The following METTL25 variants were observed in gnomAD, a reference collection of about 807,000 sequenced individuals.
METTL25 encodes methyltransferase like 25, also known as probable methyltransferase-like protein 25.
METTL25 carries 64 observed loss-of-function variants against 71.6 expected under a neutral mutation model. That is an observed-to-expected ratio of 0.89 (90% CI 0.73 to 1.10). The LOEUF is 1.10. Among genes scored for constraint, METTL25 ranks in the 50% least tolerant of loss-of-function variants. The probability of loss-of-function intolerance (pLI) is 0.00; values close to 1 mark genes in which losing one functional copy is unlikely to be tolerated. For synonymous variants in METTL25, 287 were observed against 250.3 expected (o/e 1.15, Z -1.38); for missense variants, 807 against 707.0 (o/e 1.14, Z -1.60).
chr12:82,370,089 G>A (rs925272468), intron 1 of METTL25, among the ~76,000 whole-genome samples: 8 of 152,106 alleles, frequency 5.3e-5, no homozygotes, highest in Non-Finnish European at 1.2e-4. Context: ...GTTGGGAATC[G>A]GCCAGTGACT....
At chr12:82,467,549 A>G (rs1269476320) in intron 9 of METTL25, among the ~76,000 whole-genome samples, 1 of 152,066 alleles carries the variant, frequency 6.6e-6, no homozygotes, top group Non-Finnish European at 1.5e-5. Flanking sequence ...TTTTCTGGGT[A>G]TCATTATCTT....
chr12:82,466,886 A>G lies in METTL25; in HGVS notation c.1573-9758A>G, dbSNP rs146418135. On this transcript the variant is annotated intron_variant, in intron 9 of 11. Transcript: ENST00000248306. Reference sequence around the variant, plus strand: ...ATTGGCTTGAATTCTATTTTGCCCAATCTACTCCTGCTCAATTTTTCCGTT... The same window carrying G: ...ATTGGCTTGAATTCTATTTTGCCCAGTCTACTCCTGCTCAATTTTTCCGTT... Among the ~76,000 whole-genome samples the G allele has an allele frequency of 2.6e-3, 389 of 152,076 alleles. 3 individuals carry two copies. Among genetic ancestry groups the G allele is most frequent in the African/African-American group, 8.9e-3 (368 of 41,506 alleles).
chr12:82,406,896 A>G lies in METTL25; in HGVS notation c.1279+3766A>G, dbSNP rs111356020. ...TAAGAAGTGTATTGCAGGCAGAATAAACAAAGGCATGCAGTGATAGATGTT... is the reference window on the plus strand; with the variant it reads ...TAAGAAGTGTATTGCAGGCAGAATAGACAAAGGCATGCAGTGATAGATGTT... On this transcript the variant is annotated intron_variant, in intron 5 of 11. Transcript: ENST00000248306. 4.1e-3 allele frequency among the ~76,000 whole-genome samples: 623 copies of G among 152,272 alleles called. 3 individuals carry two copies. Among genetic ancestry groups the G allele is most frequent in the South Asian group, 0.011 (55 of 4,822 alleles).
Position 82,399,291 on chromosome 12 carries a change from G to C in METTL25, c.1028G>C (p.Arg343Thr). The C allele has an allele frequency of 6.2e-7, 1 of 1,613,454 alleles. No individual in the cohort carries two copies. The highest frequency in any genetic ancestry group is 8.5e-7 in the Non-Finnish European group (1 of 1,179,710). ...NRETSEANKE[R>T]RKMTSKSSES... ...GAAACATCTGAAGCCAATAAAGAGA[G>C]AAGAAAAATGACATCAAAGTCAAGT... The change falls in exon 4 of 12, where the codon AGA becomes ACA. Residue 343 changes from arginine to threonine, a missense_variant. Transcript: ENST00000248306.
chr12:82,477,594 A>G (rs1450673205), intron 11 of METTL25, among the ~76,000 whole-genome samples: 1 of 151,794 alleles, frequency 6.6e-6, no homozygotes, highest in African/African-American at 2.4e-5. Flanking sequence ...GGTAATTACT[A>G]TACATAGGCA....
intron 5 of METTL25, among the ~76,000 whole-genome samples, chr12:82,415,206 T>C (rs1407939548): frequency 6.6e-6 from 1 of 152,112 alleles, no homozygotes; most frequent in Non-Finnish European, 1.5e-5. Flanking sequence ...TGTTTTAATG[T>C]AGATATGACT....
At chr12:82,359,279 G>A (rs1881456563) in intron 1 of METTL25, among the ~76,000 whole-genome samples, 1 of 121,270 alleles carries the variant, frequency 8.2e-6, no homozygotes, top group Non-Finnish European at 1.7e-5. Context: ...AATTTAGGAG[G>A]TCAGGAACAT....
chr12:82,423,963 TGGA>T (rs898809951), intron 5 of METTL25, among the ~76,000 whole-genome samples: 4 of 152,202 alleles, frequency 2.6e-5, no homozygotes, highest in Non-Finnish European at 5.9e-5. Context: ...TCAACCATTG[TGGA>T]AGACAGTGTG....
intron 4 of METTL25, 133 bp downstream of exon 4, chr12:82,399,527 G>A: frequency 2.7e-6 from 2 of 732,850 alleles, no homozygotes; most frequent in Non-Finnish European, 4.3e-6. Context: ...ATCATAAGTA[G>A]GCTTTCATTA....
intron 1 of METTL25, among the ~76,000 whole-genome samples, chr12:82,359,289 TGAG>T (rs1881462754): frequency 1.7e-4 from 1 of 6,028 alleles, no homozygotes; most frequent in Non-Finnish European, 3.5e-4. Context: ...GTCAGGAACA[TGAG>T]AAGGCACTAG....
intron 1 of METTL25, among the ~76,000 whole-genome samples, chr12:82,386,308 G>A (rs1331058529): frequency 6.6e-6 from 1 of 152,152 alleles, no homozygotes; most frequent in African/African-American, 2.4e-5. Context: ...CTGTGGACAA[G>A]GAGTAACAGT....
intron 8 of METTL25, among the ~76,000 whole-genome samples, chr12:82,440,960 T>A (rs1270615885): frequency 2.6e-5 from 4 of 151,984 alleles, no homozygotes; most frequent in Non-Finnish European, 5.9e-5. Context: ...AGTTCTGGAA[T>A]AGGCAACTGT....
At chr12:82,473,048 G>A (rs1010930460) in intron 9 of METTL25, among the ~76,000 whole-genome samples, 2 of 152,016 alleles carry the variant, frequency 1.3e-5, no homozygotes, top group African/African-American at 2.4e-5. Flanking sequence ...GGTGGATGCA[G>A]TAGTGTAGTG....
chr12:82,472,759 A>G (rs1324259290), intron 9 of METTL25, among the ~76,000 whole-genome samples: 1 of 151,892 alleles, frequency 6.6e-6, no homozygotes, highest in African/African-American at 2.4e-5. Context: ...ATCTATTTGT[A>G]CTGAGTTTTC....
chr12:82,437,035 A>G lies in METTL25; in HGVS notation c.1405-1683A>G, dbSNP rs12424329. On this transcript the variant is annotated intron_variant, in intron 7 of 11. Transcript: ENST00000248306. ...GGATTTTTAAGAAAGTGGGGGACAGATGATAAAGTAGAGATTTTGGTGCTG... is the reference window on the plus strand; with the variant it reads ...GGATTTTTAAGAAAGTGGGGGACAGGTGATAAAGTAGAGATTTTGGTGCTG... Among the ~76,000 whole-genome samples, 1,125 of 151,788 alleles carry G rather than the reference A, an allele frequency of 7.4e-3. 7 individuals are homozygous for G. Among genetic ancestry groups the G allele is most frequent in the Admixed American group, 0.029 (437 of 15,176 alleles).
At chr12:82,433,198 C>T (rs1889653135) in intron 6 of METTL25, among the ~76,000 whole-genome samples, 1 of 151,508 alleles carries the variant, frequency 6.6e-6, no homozygotes, top group Non-Finnish European at 1.5e-5. Flanking sequence ...CAAAAGCAGT[C>T]TTGGGGTATA....
chr12:82,361,197 C>G (rs115264174), intron 1 of METTL25, among the ~76,000 whole-genome samples: 1 of 152,126 alleles, frequency 6.6e-6, no homozygotes, highest in African/African-American at 2.4e-5. Context: ...GAAAGTTCTC[C>G]TAGTCCCCAC....
At chr12:82,363,503 T>G (rs1447278355) in intron 1 of METTL25, among the ~76,000 whole-genome samples, 3 of 152,232 alleles carry the variant, frequency 2.0e-5, no homozygotes, top group African/African-American at 7.2e-5. Flanking sequence ...TGCTAAACTC[T>G]GCAGGCTCAG....
At chr12:82,465,448 T>C (rs1293631910) in intron 9 of METTL25, among the ~76,000 whole-genome samples, 2 of 151,914 alleles carry the variant, frequency 1.3e-5, no homozygotes, top group Non-Finnish European at 2.9e-5. Context: ...TCCTGAGATA[T>C]AGCTCACTTT....
Sources: allele counts gnomAD v4.1 joint callset (sites outside exome capture counted in the v4.1 genomes callset), GRCh38; gene constraint gnomAD v4.1.1; transcripts MANE v1.5; gene names NCBI Gene and HGNC (gene_info 2026-07-23, HGNC 2026-07-21).